Variants in COL6A5 observed in about 807,000 individuals in gnomAD.
COL6A5 encodes the protein collagen alpha-5(VI) chain.
A neutral mutation model predicts 65.6 loss-of-function variants in COL6A5; 48 were observed. The ratio of observed to expected loss-of-function variants is 0.73; its 90% CI spans 0.58 to 0.93. The LOEUF is 0.93. COL6A5 is among the 40% of genes least tolerant of loss of function. The probability of loss-of-function intolerance (pLI) is 0.00; values close to 1 mark genes in which losing one functional copy is unlikely to be tolerated. For missense variants in COL6A5, 914 were observed against 928.3 expected (o/e 0.98, Z 0.20); for synonymous variants, 291 against 322.8 (o/e 0.90, Z 1.05).
In COL6A5 at chr3:130,439,139, T is replaced by C. The variant is rs548596365; in HGVS notation, c.488-383T>C. Among the ~76,000 whole-genome samples, 4 of 152,186 alleles carry C rather than the reference T, an allele frequency of 2.6e-5. No homozygotes were observed. In the South Asian group the frequency reaches 8.3e-4, roughly 32 times the overall value. On this transcript the variant is annotated intron_variant, in intron 1 of 7. Transcript: ENST00000512836. The stretch of plus-strand genomic sequence containing the variant: ...CCCAACTTCAAAAGCTGGCATGTGG[T>C]GTATAATCAGCTGGTGCATAATCAG...
chr3:130,372,746 G>C (rs952129629), intron 1 of COL6A5, among the ~76,000 whole-genome samples: 57 of 147,002 alleles, frequency 3.9e-4, no homozygotes, highest in Middle Eastern at 6.8e-3. Context: ...CCCTGAACTG[G>C]GGGCTTAATC....
Position 130,368,108 on chromosome 3 carries a change from C to T in COL6A5, c.-28-5503C>T, listed in dbSNP as rs564189389. On this transcript the variant is annotated intron_variant and NMD_transcript_variant, in intron 1 of 41. Coordinates refer to the COL6A5 transcript ENST00000312481. ...CCCTGGAAGATTTGTAAGGCCTCTG[C>T]CTTTTGAAAAGATGGAACCAGGATG... Among the ~76,000 whole-genome samples, 5 of 152,326 alleles carry T rather than the reference C, an allele frequency of 3.3e-5. No homozygotes were observed. In the South Asian group the frequency reaches 1.0e-3, roughly 32 times the overall value.
At chr3:130,376,126 G>A in intron 2 of COL6A5, 111 bp from the exon 3 acceptor site, 1 of 1,097,240 alleles carries the variant, frequency 9.1e-7, no homozygotes. Flanking sequence ...CACTTTTCTT[G>A]GGATTCTGAT....
At chr3:130,444,018 C>T (rs933708727) in intron 4 of COL6A5, among the ~76,000 whole-genome samples, 2 of 152,100 alleles carry the variant, frequency 1.3e-5, no homozygotes, top group African/African-American at 2.4e-5. Flanking sequence ...TAGAGGCCCA[C>T]CCTCAGGGGC....
chr3:130,473,186 TG>T (rs1559921737), intron 7 of COL6A5, among the ~76,000 whole-genome samples: 1 of 151,930 alleles, frequency 6.6e-6, no homozygotes, highest in African/African-American at 2.4e-5. Flanking sequence ...TGATTACAAC[TG>T]AAAATTCTGG....
chr3:130,415,243 A>T (rs1042895522), intron 22 of COL6A5, among the ~76,000 whole-genome samples: 2 of 152,122 alleles, frequency 1.3e-5, no homozygotes, highest in Admixed American at 6.5e-5. Flanking sequence ...TGCTGCTAAG[A>T]CGCCCTTTTG....
chr3:130,471,881 G>A (rs1057257403), intron 7 of COL6A5: 1 of 1,534,546 alleles, frequency 6.5e-7, no homozygotes, highest in African/African-American at 1.4e-5. Context: ...AGCACATTTA[G>A]AAGAAATTTC....
At position 130,432,789 on chromosome 3, in the gene COL6A5, C is replaced by A. The variant is rs555853272; in HGVS notation, c.487+840C>A. Among the ~76,000 whole-genome samples, 268 of 152,132 alleles carry A rather than the reference C, an allele frequency of 1.8e-3. 1 individual carries two copies. Among genetic ancestry groups the A allele is most frequent in the African/African-American group, 5.6e-3 (233 of 41,496 alleles). ...AAGAAGTTCAGGGGATCTTTGAACC[C>A]CTATGGTGGTGCAAAACATTTGATG... On this transcript the variant is annotated intron_variant, in intron 1 of 7. Coordinates refer to ENST00000512836, the Ensembl canonical transcript of COL6A5.
intron 10 of COL6A5, among the ~76,000 whole-genome samples, chr3:130,399,968 C>T (rs1480697966): frequency 6.7e-6 from 1 of 150,042 alleles, no homozygotes; most frequent in Non-Finnish European, 1.5e-5. Context: ...TGTTGTTGAC[C>T]AGTTCGCTGG....
chr3:130,376,963 C>A, intron 3 of COL6A5, 127 bp downstream of exon 3: 2 of 1,033,362 alleles, frequency 1.9e-6, no homozygotes, highest in Non-Finnish European at 2.7e-6. Flanking sequence ...AACTTCTACA[C>A]ATCATACCTA....
chr3:130,436,564 A>G (rs1709039582), intron 1 of COL6A5, among the ~76,000 whole-genome samples: 1 of 152,160 alleles, frequency 6.6e-6, no homozygotes, highest in African/African-American at 2.4e-5. Context: ...GCTCATGTCA[A>G]GGTCAACTGT....
chr3:130,457,824 T>C (rs1709611844), intron 5 of COL6A5, among the ~76,000 whole-genome samples: 1 of 152,154 alleles, frequency 6.6e-6, no homozygotes, highest in South Asian at 2.1e-4. Context: ...GAGTGAGTTG[T>C]AGTTCAGATA....
Position 130,395,347 on chromosome 3 carries a change from C to T in COL6A5, c.3450C>T (p.Leu1150=), listed in dbSNP as rs1287841421. Reference sequence around the variant, plus strand: ...TAGGAGATGTTTATAAGGAACATCTCCTGCCAATAACAGGCAATTCTGAAA... The same window carrying T: ...TAGGAGATGTTTATAAGGAACATCTTCTGCCAATAACAGGCAATTCTGAAA... Residue 1150 remains leucine (L), a synonymous_variant and NMD_transcript_variant, in exon 8 of 42, where the codon CTC becomes CTT. Transcript: ENST00000312481. 2.5e-5 allele frequency: 38 copies of T among 1,549,952 alleles called. No homozygotes were observed. The East Asian group carries it at 8.1e-4, about 33-fold the overall frequency.
chr3:130,364,770 AG>A (rs966613458), intron 1 of COL6A5, among the ~76,000 whole-genome samples: 5 of 152,240 alleles, frequency 3.3e-5, no homozygotes, highest in African/African-American at 1.2e-4. Context: ...AAGTTGCAGC[AG>A]GAAAGAACCA....
At chr3:130,431,848 A>G in exon 1 of COL6A5, 1 of 1,551,650 alleles carries the variant, frequency 6.4e-7, no homozygotes, top group Non-Finnish European at 8.7e-7. Flanking sequence ...TCAAACAGCC[A>G]GTAGGTCATC....
At chr3:130,447,049 T>C (rs2107709025) in intron 4 of COL6A5, among the ~76,000 whole-genome samples, 1 of 152,276 alleles carries the variant, frequency 6.6e-6, no homozygotes, top group African/African-American at 2.4e-5. Flanking sequence ...TCCCTGAGGA[T>C]TGTAAGCGAT....
chr3:130,379,265 T>G (rs1336020061), intron 3 of COL6A5, among the ~76,000 whole-genome samples, 153 bp from the exon 4 acceptor site: 2 of 152,108 alleles, frequency 1.3e-5, no homozygotes, highest in East Asian at 3.9e-4. Flanking sequence ...TTGTTTAGAA[T>G]TTTGATTTTT....
chr3:130,397,688 T>C (rs748306311), exon 9 of COL6A5: 1 of 1,548,432 alleles, frequency 6.5e-7, no homozygotes, highest in South Asian at 1.2e-5. Context: ...CCAGGCATCT[T>C]AGAAGACATC....
At chr3:130,400,275 A>T (rs1205780880) in intron 10 of COL6A5, among the ~76,000 whole-genome samples, 3 of 152,178 alleles carry the variant, frequency 2.0e-5, no homozygotes, top group Non-Finnish European at 4.4e-5. Context: ...CTAGGCTGTC[A>T]TGGAACCCTG....
Sources: gnomAD v4.1 joint callset for allele counts (sites outside exome capture counted in the v4.1 genomes callset) on GRCh38, gnomAD v4.1.1 for gene constraint, MANE v1.5 for transcripts, NCBI Gene and HGNC (gene_info 2026-07-23, HGNC 2026-07-21) for gene names.